Variants in ZC3HAV1 observed in about 807,000 individuals in gnomAD.
ZC3HAV1 encodes the protein zinc finger CCCH-type containing, antiviral 1, also known as zinc finger CCCH-type antiviral protein 1.
A neutral mutation model predicts 86.6 loss-of-function variants in ZC3HAV1; 41 were observed. The observed-to-expected ratio is 0.47, with a 90% confidence interval of 0.37 to 0.61. The LOEUF (loss-of-function observed/expected upper bound fraction) is 0.61, where lower values mean the gene tolerates loss of function less well. Ranked by LOEUF, ZC3HAV1 falls within the 20% of genes least tolerant of loss-of-function variation. The pLI is 0.00. For synonymous variants in ZC3HAV1, 421 were observed against 432.1 expected (o/e 0.97, Z 0.32); for missense variants, 964 against 1,141.1 (o/e 0.84, Z 2.24).
intron 7 of ZC3HAV1, among the ~76,000 whole-genome samples, chr7:139,066,055 T>A (rs1816597933): frequency 6.6e-6 from 1 of 152,164 alleles, no homozygotes; most frequent in African/African-American, 2.4e-5. Flanking sequence ...AGGCTACCGA[T>A]CCACTGCCCT....
At position 139,109,190 on chromosome 7, in the gene ZC3HAV1, G is replaced by T; in HGVS notation, c.142C>A (p.Arg48Ser). The T allele has an allele frequency of 6.2e-7, 1 of 1,605,710 alleles. No individual in the cohort carries two copies. Among genetic ancestry groups the T allele is most frequent in the Admixed American group, 1.7e-5 (1 of 58,850 alleles). ...CEVLQVAGPD[R>S]FVVLETGGEA... ...CCGCCGGTCTCCAACACCACAAAGC[G>T]GTCGGGCCCGGCCACCTGCAGCACC... Residue 48 changes from arginine (R) to serine (S), a missense_variant, in exon 1 of 13, where the codon CGC (arginine) becomes AGC (serine). Transcript: ENST00000242351.
chr7:139,070,640 G>T (rs1012106651), intron 7 of ZC3HAV1, among the ~76,000 whole-genome samples: 5 of 145,180 alleles, frequency 3.4e-5, no homozygotes, highest in African/African-American at 1.3e-4. Flanking sequence ...CTCCAGCCTG[G>T]GCGACAGAGC....
intron 1 of ZC3HAV1, among the ~76,000 whole-genome samples, chr7:139,091,106 C>T (rs1419024663): frequency 6.6e-6 from 1 of 152,172 alleles, no homozygotes; most frequent in African/African-American, 2.4e-5. Flanking sequence ...AACCAGTCCC[C>T]GCCAGCCCCC....
chr7:139,074,245 A>G (rs967090982), intron 6 of ZC3HAV1, among the ~76,000 whole-genome samples: 1 of 152,238 alleles, frequency 6.6e-6, no homozygotes, highest in African/African-American at 2.4e-5. Flanking sequence ...GGTGTTACAT[A>G]ATGTATTCTT....
intron 1 of ZC3HAV1, among the ~76,000 whole-genome samples, chr7:139,090,059 A>G (rs939159296): frequency 6.6e-6 from 1 of 152,052 alleles, no homozygotes; most frequent in Non-Finnish European, 1.5e-5. Context: ...AGCTGGAAAC[A>G]CAGGCACGCA....
rs546669670 is a variant in ZC3HAV1 at position 139,101,258 on chromosome 7, C to A, written c.308+7766G>T. ...TGCCGAGATCGCAGCCTCTGCCCTG[C>A]CGCCACCCCGTCTGGGAAGTGAGGA... On this transcript the variant is annotated intron_variant, in intron 1 of 12. Transcript: ENST00000242351. Among the ~76,000 whole-genome samples, 239 of 151,600 alleles carry A rather than the reference C, an allele frequency of 1.6e-3. 1 individual carries two copies. Among genetic ancestry groups the A allele is most frequent in the African/African-American group, 5.5e-3 (226 of 41,320 alleles).
intron 7 of ZC3HAV1, among the ~76,000 whole-genome samples, chr7:139,069,827 C>T (rs1198261379): frequency 1.3e-5 from 2 of 152,162 alleles, no homozygotes; most frequent in African/African-American, 4.8e-5. Context: ...TCTTAGTTGC[C>T]TGACTTATTC....
chr7:139,106,882 G>C (rs1042450903), intron 1 of ZC3HAV1, among the ~76,000 whole-genome samples: 2 of 151,750 alleles, frequency 1.3e-5, no homozygotes, highest in Non-Finnish European at 2.9e-5. Flanking sequence ...GGGACACATG[G>C]GGAATAGGGA....
intron 1 of ZC3HAV1, among the ~76,000 whole-genome samples, chr7:139,097,434 T>TTTTTTTTATTTTTTTTTA (rs1817636508): frequency 6.6e-5 from 7 of 105,794 alleles, no homozygotes; most frequent in African/African-American, 3.2e-4. Context: ...ATATATTTTT[T>TTTTTTTTATTTTTTTTTA]TTTTTTTTTT....
rs764437934 is a variant in ZC3HAV1 at position 139,061,048 on chromosome 7, T to G, written c.2084A>C (p.Lys695Thr). Residue 695 changes from lysine to threonine, a missense_variant, in exon 9 of 13, where the codon AAG (lysine) becomes ACG (threonine). Coordinates refer to ENST00000242351, the MANE Select transcript of ZC3HAV1 (RefSeq NM_020119.4). ...FVPQWYVQQM[K>T]RGPDHQPAKT... ...TCAGAACACTTACTCTGGCCCTCTCTTCATCTGCTGCACATACCACTGAGG... is the reference window on the plus strand; with the variant it reads ...TCAGAACACTTACTCTGGCCCTCTCGTCATCTGCTGCACATACCACTGAGG... 10 of 1,613,820 alleles carry G rather than the reference T, an allele frequency of 6.2e-6. No individual in the cohort carries two copies. Among genetic ancestry groups the G allele is most frequent in the African/African-American group, 1.3e-5 (1 of 74,988 alleles).
In ZC3HAV1 at chr7:139,063,929, T is replaced by C. The variant is rs568767212; in HGVS notation, c.1993+950A>G. Among the ~76,000 whole-genome samples the C allele has an allele frequency of 4.6e-5, 7 of 152,294 alleles. No individual in the cohort carries two copies. The East Asian group carries it at 1.4e-3, about 29-fold the overall frequency. On this transcript the variant is annotated intron_variant, in intron 8 of 12. Transcript: ENST00000242351. The stretch of plus-strand genomic sequence containing the variant: ...ACTATAGGTACTGGTTTTGGTCTAG[T>C]ATTCTTCGGTCACACCATGCTGCTT...
At chr7:139,102,968 GTA>G (rs376064797) in intron 1 of ZC3HAV1, among the ~76,000 whole-genome samples, 119 of 147,026 alleles carry the variant, frequency 8.1e-4, no homozygotes, top group East Asian at 3.2e-3. Flanking sequence ...ATATGTATAT[GTA>G]TATGTGTGTG....
intron 1 of ZC3HAV1, among the ~76,000 whole-genome samples, chr7:139,095,374 C>A (rs1016147648): frequency 6.6e-6 from 1 of 152,112 alleles, no homozygotes; most frequent in African/African-American, 2.4e-5. Flanking sequence ...ATAGACCAGA[C>A]GAGATCACAT....
chr7:139,089,810 A>G, intron 1 of ZC3HAV1, 51 bp from the exon 2 acceptor site: 1 of 1,537,520 alleles, frequency 6.5e-7, no homozygotes, highest in Non-Finnish European at 8.7e-7. Context: ...AGATGCAAAG[A>G]AACAGAAATC....
chr7:139,091,062 C>T (rs1056612807), intron 1 of ZC3HAV1, among the ~76,000 whole-genome samples: 1 of 152,152 alleles, frequency 6.6e-6, no homozygotes, highest in African/African-American at 2.4e-5. Context: ...TAAGGTCGAC[C>T]TCAGCTTTTT....
At chr7:139,084,621 C>T (rs571918373) in intron 2 of ZC3HAV1, among the ~76,000 whole-genome samples, 1 of 152,188 alleles carries the variant, frequency 6.6e-6, no homozygotes, top group South Asian at 2.1e-4. Context: ...GTTTTAAAAT[C>T]TGAGGCCCTG....
In ZC3HAV1 at chr7:139,108,963, GCCTGGACAGTCCAC is replaced by G. The variant is rs1276920788; in HGVS notation, c.308+47_308+60del. On this transcript the variant is annotated intron_variant, in intron 1 of 12. Coordinates refer to ENST00000242351, the MANE Select transcript of ZC3HAV1 (RefSeq NM_020119.4). This position sits in a 1 kb window ranked among gnomAD's most constrained non-coding sequence, Gnocchi z 4.2. ...CCGTGCCCCTCCCAGAACATTGCCCGCCTGGACAGTCCACCCCGACCACGGCTGCGGACAGCGCC... is the reference window on the plus strand; with the variant it reads ...CCGTGCCCCTCCCAGAACATTGCCCGCCCGACCACGGCTGCGGACAGCGCC... The G allele has an allele frequency of 6.7e-7, 1 of 1,487,302 alleles. No homozygotes were observed. Among genetic ancestry groups the G allele is most frequent in the East Asian group, 2.5e-5 (1 of 40,130 alleles). The allele number at this position is 1,487,302 out of a possible 1,614,324, so 92.1% of individuals were successfully genotyped here.
At chr7:139,078,688 T>C in intron 4 of ZC3HAV1, 35 bp from the exon 5 acceptor site, 1 of 1,477,086 alleles carries the variant, frequency 6.8e-7, no homozygotes, top group South Asian at 1.3e-5. Context: ...TATGCTGATC[T>C]TAATGTTTAA....
chr7:139,082,744 G>T (rs749333908), intron 3 of ZC3HAV1, among the ~76,000 whole-genome samples: 1 of 152,140 alleles, frequency 6.6e-6, no homozygotes, highest in Non-Finnish European at 1.5e-5. Context: ...AATATTGTAC[G>T]ATTCCACTTA....
Sources: allele counts gnomAD v4.1 joint callset (sites outside exome capture counted in the v4.1 genomes callset), GRCh38; gene constraint gnomAD v4.1.1; non-coding constraint Gnocchi (gnomAD v3.1); transcripts MANE v1.5; gene names NCBI Gene and HGNC (gene_info 2026-07-23, HGNC 2026-07-21).